The following DIP2C variants were observed in gnomAD, a reference collection of about 807,000 sequenced individuals.
DIP2C encodes disco-interacting protein 2 homolog C.
In DIP2C, 33 loss-of-function variants were observed where a neutral mutation model predicts 192.4. The observed-to-expected ratio is 0.17, with a 90% CI of 0.13 to 0.23. The LOEUF is 0.23. Ranked by LOEUF, DIP2C falls within the 10% of genes least tolerant of loss-of-function variation. The pLI is 1.00. For synonymous variants in DIP2C, 979 were observed against 864.1 expected (o/e 1.13, Z -2.33); for missense variants, 1,537 against 2,110.1 (o/e 0.73, Z 5.32).
intron 17 of DIP2C, chr10:369,852 G>T: frequency 7.5e-7 from 1 of 1,340,414 alleles, no homozygotes; most frequent in Non-Finnish European, 1.0e-6. Context: ...CATTCCCAGG[G>T]AATCCCAAGA....
chr10:285,627 C>T (rs1955072979), intron 34 of DIP2C, among the ~76,000 whole-genome samples: 3 of 152,302 alleles, frequency 2.0e-5, no homozygotes, highest in South Asian at 4.1e-4. Flanking sequence ...AGTGGCCTCT[C>T]GGACTGGGGA....
At chr10:423,070 G>A (rs1211305304) in intron 4 of DIP2C, 37 bp from the exon 5 acceptor site, 5 of 1,533,492 alleles carry the variant, frequency 3.3e-6, no homozygotes, top group Non-Finnish European at 4.4e-6. Context: ...GTATGTTGCA[G>A]CAAAAACGTG....
intron 1 of DIP2C, among the ~76,000 whole-genome samples, chr10:496,454 A>AC (rs1407364847): frequency 5.5e-5 from 8 of 144,592 alleles, no homozygotes; most frequent in Non-Finnish European, 1.2e-4. Context: ...TACTCGCAAT[A>AC]CCCCAAACAA....
At chr10:483,582 G>T (rs1242045097) in intron 2 of DIP2C, among the ~76,000 whole-genome samples, 1 of 152,178 alleles carries the variant, frequency 6.6e-6, no homozygotes, top group Non-Finnish European at 1.5e-5. Context: ...TTTTCCTCAC[G>T]TTTCCGGCAG....
In DIP2C at chr10:450,381, T is replaced by C. The variant is rs137933245; in HGVS notation, c.269-9385A>G. Among the ~76,000 whole-genome samples, 427 of 152,328 alleles carry C rather than the reference T, an allele frequency of 2.8e-3. 9 individuals are homozygous for C. The highest frequency in any genetic ancestry group is 1.4e-3 in the Non-Finnish European group (97 of 68,026). On this transcript the variant is annotated intron_variant, in intron 3 of 36. Transcript: ENST00000280886. Reference sequence around the variant, plus strand: ...GACTCACTTCTACAGATTTAAGATGTTTACGTATCAATTACAATGGCTCAA... The same window carrying C: ...GACTCACTTCTACAGATTTAAGATGCTTACGTATCAATTACAATGGCTCAA...
chr10:643,271 T>C (rs1322868723), intron 1 of DIP2C, among the ~76,000 whole-genome samples: 1 of 148,618 alleles, frequency 6.7e-6, no homozygotes, highest in African/African-American at 2.5e-5. Context: ...TCCCAGCACT[T>C]TGGGAGGCCA....
At chr10:382,563 A>G (rs4881200) in intron 17 of DIP2C, 84 bp downstream of exon 17, 1,075,112 of 1,079,058 alleles carry the variant, frequency 1, 535,669 homozygotes, top group East Asian at 1. Flanking sequence ...CCTCAGCATC[A>G]ACTGTTAGGA....
chr10:575,474 A>G (rs867475497), intron 1 of DIP2C, among the ~76,000 whole-genome samples: 2 of 152,216 alleles, frequency 1.3e-5, no homozygotes, highest in African/African-American at 4.8e-5. Flanking sequence ...AGCTTCTGCC[A>G]AAACAAACGC....
chr10:441,305 C>A (rs1967707108), intron 3 of DIP2C: 3 of 294,984 alleles, frequency 1.0e-5, no homozygotes, highest in Non-Finnish European at 1.9e-5. Flanking sequence ...TTGTAGGTCA[C>A]ACGTTCGAGC....
chr10:319,072 C>T (rs1036541241), intron 31 of DIP2C, among the ~76,000 whole-genome samples: 4 of 152,102 alleles, frequency 2.6e-5, no homozygotes, highest in South Asian at 4.2e-4. Flanking sequence ...GCCAATGAAC[C>T]GGGCTAATTT....
intron 9 of DIP2C, among the ~76,000 whole-genome samples, chr10:404,163 C>T (rs1479255306): frequency 6.6e-6 from 1 of 151,740 alleles, no homozygotes; most frequent in African/African-American, 2.4e-5. Context: ...GCACGTGAAT[C>T]CTATGATTTA....
At chr10:603,298 C>CAAAAAAAAAAAAAAAAAAAAAAA (rs71376842) in intron 1 of DIP2C, among the ~76,000 whole-genome samples, 1 of 45,882 alleles carries the variant, frequency 2.2e-5, no homozygotes, top group Non-Finnish European at 3.5e-5. Context: ...GACTCCATCT[C>CAAAAAAAAAAAAAAAAAAAAAAA]AAAAAAAAAA....
At chr10:598,062 C>A in intron 1 of DIP2C, among the ~76,000 whole-genome samples, 1 of 152,248 alleles carries the variant, frequency 6.6e-6, no homozygotes, top group Middle Eastern at 3.2e-3. Flanking sequence ...ACCGCTGGAC[C>A]TGCAGAGTCA....
In DIP2C at chr10:349,397, C is replaced by A. The variant is rs765440119; in HGVS notation, c.3043G>T (p.Ala1015Ser). Residue 1015 changes from alanine (A) to serine (S), a missense_variant, in exon 25 of 37, where the codon GCC (alanine) becomes TCC (serine). By Grantham distance (99) the Ala-to-Ser change is moderately conservative. This residue lies in a region of DIP2C where 677 missense variants were observed against 989.9 expected (regional missense o/e 0.68). Transcript: ENST00000280886. Reference sequence around the variant, plus strand: ...TGGCCCCTCTCCATCAGCATCACGGCGATCTTCTCAGCTCTCTTGTGCAGC... The same window carrying A: ...TGGCCCCTCTCCATCAGCATCACGGAGATCTTCTCAGCTCTCTTGTGCAGC... Reference protein sequence around the residue: ...VQLHKRAEKIAVMLMERGHLQ... With the variant: ...VQLHKRAEKISVMLMERGHLQ... The A allele has an allele frequency of 6.2e-7, 1 of 1,611,482 alleles. No homozygotes were observed. The highest frequency in any genetic ancestry group is 8.5e-7 in the Non-Finnish European group (1 of 1,179,800).
intron 1 of DIP2C, among the ~76,000 whole-genome samples, chr10:616,839 G>A (rs760375216): frequency 2.6e-5 from 4 of 152,178 alleles, no homozygotes; most frequent in Non-Finnish European, 5.9e-5. Flanking sequence ...GCCCATCAGC[G>A]AGAGGCCGCC....
intron 1 of DIP2C, among the ~76,000 whole-genome samples, chr10:487,626 G>A (rs1291658909): frequency 7.3e-6 from 1 of 136,770 alleles, no homozygotes; most frequent in Non-Finnish European, 1.5e-5. Flanking sequence ...CGCCCAGGCT[G>A]GAGTGCAGTG....
At chr10:529,270 TAACTAA>T (rs1847238878) in intron 1 of DIP2C, among the ~76,000 whole-genome samples, 1 of 152,214 alleles carries the variant, frequency 6.6e-6, no homozygotes, top group Non-Finnish European at 1.5e-5. Flanking sequence ...AAATACTGCT[TAACTAA>T]AACTTCTGAT....
intron 1 of DIP2C, among the ~76,000 whole-genome samples, chr10:506,585 T>TACTCACATGCAGAAGGC: frequency 6.6e-6 from 1 of 152,256 alleles, no homozygotes; most frequent in Admixed American, 6.5e-5. Context: ...GAATCCCCAG[T>TACTCACATGCAGAAGGC]ACTCACATGC....
intron 17 of DIP2C, among the ~76,000 whole-genome samples, chr10:377,221 A>T (rs1589650464): frequency 6.6e-6 from 1 of 151,630 alleles, no homozygotes; most frequent in East Asian, 1.9e-4. Flanking sequence ...CACACTATAT[A>T]AACTTTTTTA....
Sources: allele counts gnomAD v4.1 joint callset (sites outside exome capture counted in the v4.1 genomes callset), GRCh38; gene constraint gnomAD v4.1.1; regional missense constraint gnomAD v4.1.1; transcripts MANE v1.5; gene names NCBI Gene and HGNC (gene_info 2026-07-23, HGNC 2026-07-21).